CYP19A1: variants seen among roughly 807,000 people sequenced by gnomAD.
The protein encoded by CYP19A1 is aromatase.
In CYP19A1, 32 loss-of-function variants were observed where a neutral mutation model predicts 44.4. The observed-to-expected ratio is 0.72, with a 90% CI of 0.54 to 0.97. The LOEUF (loss-of-function observed/expected upper bound fraction) is 0.97. Ranked by LOEUF, CYP19A1 falls within the 50% of genes least tolerant of loss-of-function variation. CYP19A1 has a pLI of 0.00. For synonymous variants in CYP19A1, 212 were observed against 215.6 expected (o/e 0.98, Z 0.14); for missense variants, 598 against 637.8 (o/e 0.94, Z 0.67).
rs144615599 is a variant in CYP19A1, at chr15:51,331,394, G to T, written c.-39+7101C>A. On this transcript the variant is annotated intron_variant, in intron 1 of 9. Transcript: ENST00000396402. ...GAGGTGAAGAAGATGAGTCAGCCAA[G>T]ACATTCCTCCTCTCTGGGGAGAAGA... is the stretch of plus-strand genomic sequence containing the variant. Among the ~76,000 whole-genome samples the T allele has an allele frequency of 2.0e-3, 308 of 152,278 alleles. 1 individual carries two copies. The highest frequency in any genetic ancestry group is 7.1e-3 in the African/African-American group (293 of 41,538).
intron 1 of CYP19A1, among the ~76,000 whole-genome samples, chr15:51,302,472 G>T (rs2290622): frequency 0.024 from 3,606 of 152,296 alleles, 131 homozygotes; most frequent in East Asian, 0.14. Flanking sequence ...TCAACTTTTA[G>T]CTAATTCAAA....
intron 1 of CYP19A1, among the ~76,000 whole-genome samples, chr15:51,329,952 C>A (rs2036674311): frequency 1.3e-5 from 2 of 152,148 alleles, no homozygotes; most frequent in Admixed American, 6.5e-5. Context: ...GAGCAGCTAG[C>A]CCTCCCTGGG....
intron 1 of CYP19A1, among the ~76,000 whole-genome samples, chr15:51,308,471 C>T (rs2036254240): frequency 6.6e-6 from 1 of 151,814 alleles, no homozygotes; most frequent in African/African-American, 2.4e-5. Flanking sequence ...GAATTATATC[C>T]CAGGGAGGTA....
chr15:51,215,638 T>C (rs2141043332), intron 7 of CYP19A1, 65 bp downstream of exon 7: 1 of 1,612,902 alleles, frequency 6.2e-7, no homozygotes, highest in East Asian at 2.2e-5. Context: ...AAAGGGGATC[T>C]TTACACACCT....
intron 6 of CYP19A1, among the ~76,000 whole-genome samples, chr15:51,217,462 T>C (rs879267459): frequency 6.6e-5 from 10 of 152,194 alleles, no homozygotes; most frequent in African/African-American, 2.4e-4. Flanking sequence ...GGAAATGAAA[T>C]GTATAAAGAA....
At chr15:51,308,793 C>T (rs542272553) in intron 1 of CYP19A1, among the ~76,000 whole-genome samples, 11 of 152,260 alleles carry the variant, frequency 7.2e-5, no homozygotes, top group East Asian at 3.9e-4. Context: ...TCGGTCTCCT[C>T]GTCTACCACA....
chr15:51,328,590 G>T, intron 1 of CYP19A1, among the ~76,000 whole-genome samples: 1 of 151,480 alleles, frequency 6.6e-6, no homozygotes, highest in East Asian at 1.9e-4. Flanking sequence ...GTGTGTACAT[G>T]TGTGTGTACG....
chr15:51,306,638 T>C (rs2036221470), intron 1 of CYP19A1, among the ~76,000 whole-genome samples: 1 of 152,252 alleles, frequency 6.6e-6, no homozygotes, highest in South Asian at 2.1e-4. Context: ...TGCAAAGTTC[T>C]AGTAAATTAA....
chr15:51,239,664 C>G (rs2033626472), intron 2 of CYP19A1, among the ~76,000 whole-genome samples: 1 of 151,444 alleles, frequency 6.6e-6, no homozygotes, highest in Non-Finnish European at 1.5e-5. Flanking sequence ...GTGACTGTCA[C>G]AAAATCAAAG....
At chr15:51,251,361 C>T (rs1194294533) in intron 1 of CYP19A1, among the ~76,000 whole-genome samples, 1 of 152,172 alleles carries the variant, frequency 6.6e-6, no homozygotes, top group Non-Finnish European at 1.5e-5. Context: ...TCTTGGCATC[C>T]AAGATTTGTC....
intron 1 of CYP19A1, among the ~76,000 whole-genome samples, chr15:51,337,197 A>G (rs748726988): frequency 2.0e-5 from 3 of 152,210 alleles, no homozygotes; most frequent in Non-Finnish European, 4.4e-5. Context: ...CTGTGAGAGG[A>G]CAGTTAAGAT....
intron 1 of CYP19A1, among the ~76,000 whole-genome samples, chr15:51,336,376 T>G (rs2036774887): frequency 6.6e-6 from 1 of 152,146 alleles, no homozygotes; most frequent in African/African-American, 2.4e-5. Flanking sequence ...AAGGGAGAAT[T>G]GCTGACTTTG....
chr15:51,307,521 G>T (rs1267327075), intron 1 of CYP19A1, among the ~76,000 whole-genome samples: 1 of 152,148 alleles, frequency 6.6e-6, no homozygotes, highest in Non-Finnish European at 1.5e-5. Context: ...AGTCATGTCT[G>T]GCACAGAGCA....
chr15:51,296,673 C>T (rs16964248), intron 1 of CYP19A1, among the ~76,000 whole-genome samples: 2,306 of 152,190 alleles, frequency 0.015, 69 homozygotes, highest in African/African-American at 0.054. Flanking sequence ...TCATGTTTGC[C>T]GAACATTAAA....
intron 1 of CYP19A1, among the ~76,000 whole-genome samples, chr15:51,250,327 AG>A (rs2034258090): frequency 6.6e-6 from 1 of 152,204 alleles, no homozygotes; most frequent in Non-Finnish European, 1.5e-5. Context: ...CCTCCCCAGG[AG>A]GTGCTCCATG....
intron 1 of CYP19A1, among the ~76,000 whole-genome samples, chr15:51,329,940 C>T (rs77487169): frequency 0.017 from 2,632 of 152,264 alleles, 33 homozygotes; most frequent in Middle Eastern, 0.068. Context: ...AGCACACAGT[C>T]GGAGCAGCTA....
At chr15:51,221,994 C>T (rs1410404595) in intron 5 of CYP19A1, 1 of 418,654 alleles carries the variant, frequency 2.4e-6, no homozygotes, top group Non-Finnish European at 4.3e-6. Flanking sequence ...TATATCATGC[C>T]CAAAAGAACA....
rs866111735 is a variant in CYP19A1 at position 51,210,061 on chromosome 15, C to T, written c.*747G>A. The T allele has an allele frequency of 4.9e-5, 11 of 226,586 alleles. No individual in the cohort carries two copies. Among genetic ancestry groups the T allele is most frequent in the Middle Eastern group, 1.6e-3 (1 of 614 alleles). The allele number at this position is 226,586 out of a possible 1,614,324, so 14.0% of individuals were successfully genotyped here. A position where few individuals can be genotyped will look rare whatever the true frequency, so the allele number is the denominator to read the frequency against. ...GGGCCCTAATAATACTTAACCCAGG[C>T]TATTACTAAATTAGTTTGTATTACT... is the stretch of plus-strand genomic sequence containing the variant. On this transcript the variant is annotated 3_prime_UTR_variant, in exon 10 of 10. Transcript: ENST00000396402.
chr15:51,238,234 A>G (rs1212552050), intron 2 of CYP19A1, among the ~76,000 whole-genome samples: 1 of 152,252 alleles, frequency 6.6e-6, no homozygotes, highest in African/African-American at 2.4e-5. Context: ...ACTACATTAT[A>G]CAGTAGATGA....
Sources: allele counts gnomAD v4.1 joint callset (sites outside exome capture counted in the v4.1 genomes callset), GRCh38; gene constraint gnomAD v4.1.1; transcripts MANE v1.5; gene names NCBI Gene and HGNC (gene_info 2026-07-23, HGNC 2026-07-21).